PDE4DIP: variants seen among roughly 807,000 people sequenced by gnomAD.
The protein encoded by PDE4DIP is myomegalin.
PDE4DIP carries 59 observed loss-of-function variants against 221.4 expected under a neutral mutation model. The ratio of observed to expected loss-of-function variants is 0.27; its 90% confidence interval spans 0.22 to 0.33. PDE4DIP has a LOEUF of 0.33. PDE4DIP is among the 10% of genes least tolerant of loss of function. PDE4DIP has a pLI of 1.00. For missense variants in PDE4DIP, 1,036 were observed against 2,154.2 expected (o/e 0.48, Z 10.28); for synonymous variants, 404 against 815.9 (o/e 0.50, Z 8.60).
intron 1 of PDE4DIP, among the ~76,000 whole-genome samples, chr1:148,891,931 A>G (rs1210168295): frequency 1.8e-5 from 1 of 56,112 alleles, no homozygotes; most frequent in Non-Finnish European, 3.1e-5. Flanking sequence ...CAGAGGGAGG[A>G]ACTTTCCCCA....
chr1:148,982,144 TAAATTCTACTTA>T (rs1307988017), intron 21 of PDE4DIP: 3 of 152,238 alleles, frequency 2.0e-5, no homozygotes, highest in Non-Finnish European at 4.4e-5. Context: ...AGGTACAGAT[TAAATTCTACTTA>T]AAATTTGTTC....
intron 6 of PDE4DIP, among the ~76,000 whole-genome samples, chr1:148,961,612 G>A (rs2056952479): frequency 6.6e-6 from 1 of 152,218 alleles, no homozygotes; most frequent in African/African-American, 2.4e-5. Context: ...AGATCACAGT[G>A]CGTGAAAATT....
At chr1:148,985,836 A>T (rs1423502255) in intron 21 of PDE4DIP, 1 of 152,178 alleles carries the variant, frequency 6.6e-6, no homozygotes, top group East Asian at 1.9e-4. Context: ...ATTTAAAATA[A>T]TATGGAGAAT....
chr1:148,996,417 G>T (rs1288760734), intron 22 of PDE4DIP, among the ~76,000 whole-genome samples: 2 of 152,318 alleles, frequency 1.3e-5, no homozygotes, highest in South Asian at 2.1e-4. Context: ...TGTCACAAAT[G>T]CTGGGGGCAC....
At chr1:148,945,106 GA>G (rs2051329397) in intron 5 of PDE4DIP, among the ~76,000 whole-genome samples, 1 of 148,384 alleles carries the variant, frequency 6.7e-6, no homozygotes, top group African/African-American at 2.4e-5. Flanking sequence ...AGCAGATAAT[GA>G]AACAAATATA....
intron 2 of PDE4DIP, chr1:148,866,617 G>C (rs1434876081): frequency 2.5e-5 from 1 of 39,946 alleles, no homozygotes; most frequent in Non-Finnish European, 5.0e-5. Context: ...AGGGAGGGAG[G>C]GAGGGAGGGA....
chr1:148,874,806 TG>T (rs1690448173), intron 3 of PDE4DIP, among the ~76,000 whole-genome samples: 2 of 120,132 alleles, frequency 1.7e-5, no homozygotes, highest in South Asian at 5.6e-4. Flanking sequence ...CCAGCTGTAG[TG>T]TATGCCTAAC....
At chr1:148,936,960 G>C (rs1407971578) in intron 4 of PDE4DIP, among the ~76,000 whole-genome samples, 6 of 152,152 alleles carry the variant, frequency 3.9e-5, no homozygotes, top group Admixed American at 3.9e-4. Context: ...TGTTTAATAA[G>C]TAGAAAGAGT....
chr1:148,926,672 C>T (rs1255210678), intron 1 of PDE4DIP, among the ~76,000 whole-genome samples: 2 of 150,744 alleles, frequency 1.3e-5, no homozygotes, highest in Non-Finnish European at 3.0e-5. Context: ...CTGCCTATTA[C>T]ACATTAGGAA....
At chr1:148,915,332 T>A (rs2043754076) in intron 1 of PDE4DIP, among the ~76,000 whole-genome samples, 1 of 152,288 alleles carries the variant, frequency 6.6e-6, no homozygotes, top group South Asian at 2.1e-4. Context: ...GTATCTTTAG[T>A]AGAGACGGGG....
chr1:149,029,723 C>G, intron 41 of PDE4DIP, 64 bp from the exon 45 acceptor site: 1 of 792,922 alleles, frequency 1.3e-6, no homozygotes, highest in East Asian at 2.5e-5. Context: ...TTGGAAAGAG[C>G]CACAAAGCAC....
chr1:149,022,931 A>G (rs2073531655), intron 37 of PDE4DIP, among the ~76,000 whole-genome samples: 1 of 152,204 alleles, frequency 6.6e-6, no homozygotes, highest in Admixed American at 6.5e-5. Flanking sequence ...GGAAGATGAA[A>G]GGGTATAGAT....
intron 5 of PDE4DIP, among the ~76,000 whole-genome samples, chr1:148,954,865 T>C (rs1349167509): frequency 1.3e-5 from 2 of 152,264 alleles, no homozygotes; most frequent in Non-Finnish European, 2.9e-5. Flanking sequence ...AAGGTAGATG[T>C]GATCTAGAAG....
chr1:148,976,208 G>A (rs147539420), intron 17 of PDE4DIP, among the ~76,000 whole-genome samples: 1 of 152,006 alleles, frequency 6.6e-6, no homozygotes, highest in East Asian at 1.9e-4. Context: ...CTATGAATGG[G>A]TATTTTGGGT....
At chr1:148,940,914 C>G (rs1379775929) in intron 5 of PDE4DIP, among the ~76,000 whole-genome samples, 1 of 151,784 alleles carries the variant, frequency 6.6e-6, no homozygotes, top group Non-Finnish European at 1.5e-5. Context: ...TGATTGTAAA[C>G]AGTTTTATCA....
intron 5 of PDE4DIP, among the ~76,000 whole-genome samples, chr1:148,951,641 C>G (rs1332455704): frequency 6.6e-6 from 1 of 151,604 alleles, no homozygotes; most frequent in African/African-American, 2.4e-5. Flanking sequence ...TGGTAATCTA[C>G]TCGCGGCTGG....
intron 16 of PDE4DIP, among the ~76,000 whole-genome samples, chr1:148,973,195 G>A (rs1464779644): frequency 2.7e-5 from 4 of 147,174 alleles, no homozygotes; most frequent in Admixed American, 1.4e-4. Context: ...TTTTTGAGAC[G>A]GAGTCTCGCT....
chr1:148,822,117 G>A (rs7529570), intron 1 of PDE4DIP, among the ~76,000 whole-genome samples: 16 of 128,786 alleles, frequency 1.2e-4, no homozygotes, highest in African/African-American at 4.6e-4. Context: ...ATGAGGGTGG[G>A]AGTTAGATGG....
intron 30 of PDE4DIP, 37 bp downstream of exon 33, chr1:149,009,828 A>T: frequency 1.4e-6 from 2 of 1,394,266 alleles, no homozygotes; most frequent in Non-Finnish European, 2.0e-6. Flanking sequence ...ATCTTTGTCT[A>T]GGCTGAGTGG....
Sources: allele counts gnomAD v4.1 joint callset (sites outside exome capture counted in the v4.1 genomes callset), GRCh38; gene constraint gnomAD v4.1.1; transcripts MANE v1.5; gene names NCBI Gene and HGNC (gene_info 2026-07-23, HGNC 2026-07-21).